Variants in BTBD9 observed in about 807,000 individuals in gnomAD.
The protein encoded by BTBD9 is BTB/POZ domain-containing protein 9.
A neutral mutation model predicts 64.3 loss-of-function variants in BTBD9; 49 were observed. The ratio of observed to expected loss-of-function variants is 0.76; its 90% CI spans 0.61 to 0.97. BTBD9 has a LOEUF of 0.97. Among genes scored for constraint, BTBD9 ranks in the 50% least tolerant of loss-of-function variants. The pLI, the probability that BTBD9 is intolerant of heterozygous loss-of-function variation, is 0.00. For synonymous variants in BTBD9, 260 were observed against 274.7 expected (o/e 0.95, Z 0.53); for missense variants, 598 against 762.1 (o/e 0.78, Z 2.53).
At chr6:38,635,242 T>A (rs1180573285) in intron 1 of BTBD9, among the ~76,000 whole-genome samples, 1 of 152,104 alleles carries the variant, frequency 6.6e-6, no homozygotes, top group Non-Finnish European at 1.5e-5. Flanking sequence ...TTCAAGCGAT[T>A]CTCTTGCCTT....
At chr6:38,322,630 T>C (rs879889787) in intron 7 of BTBD9, among the ~76,000 whole-genome samples, 3 of 152,238 alleles carry the variant, frequency 2.0e-5, no homozygotes, top group Non-Finnish European at 4.4e-5. Flanking sequence ...CAGAGGCCAA[T>C]AGCCATTTAC....
intron 7 of BTBD9, among the ~76,000 whole-genome samples, chr6:38,338,738 A>G (rs1467693540): frequency 1.3e-5 from 2 of 152,156 alleles, no homozygotes; most frequent in Non-Finnish European, 2.9e-5. Context: ...CTCAGTGTAA[A>G]GTGTTTACTG....
chr6:38,557,900 C>A (rs1204415039), intron 6 of BTBD9, among the ~76,000 whole-genome samples: 7 of 152,086 alleles, frequency 4.6e-5, no homozygotes, highest in Non-Finnish European at 7.4e-5. Context: ...ATTTTGAGAT[C>A]TTAGAGAAAT....
chr6:38,259,346 T>C (rs1428574741), intron 8 of BTBD9, among the ~76,000 whole-genome samples: 2 of 152,210 alleles, frequency 1.3e-5, no homozygotes, highest in East Asian at 3.8e-4. Flanking sequence ...TATAAAGCTA[T>C]TACTGAGGAC....
chr6:38,224,460 AG>A (rs1347500097), intron 9 of BTBD9, among the ~76,000 whole-genome samples: 3 of 152,210 alleles, frequency 2.0e-5, no homozygotes, highest in African/African-American at 7.2e-5. Context: ...CTACTGCTTC[AG>A]GGAAGAGGAC....
intron 6 of BTBD9, among the ~76,000 whole-genome samples, chr6:38,345,342 C>T (rs1293216238): frequency 6.6e-6 from 1 of 152,196 alleles, no homozygotes; most frequent in Non-Finnish European, 1.5e-5. Flanking sequence ...ATTTGATTTA[C>T]CCAGAAAACC....
intron 6 of BTBD9, among the ~76,000 whole-genome samples, chr6:38,500,484 A>T (rs1328670699): frequency 1.3e-5 from 2 of 152,246 alleles, no homozygotes; most frequent in Non-Finnish European, 2.9e-5. Context: ...GACTGCAATA[A>T]GGCAGACTTC....
chr6:38,366,557 G>A (rs1376670673), intron 6 of BTBD9, among the ~76,000 whole-genome samples: 2 of 152,152 alleles, frequency 1.3e-5, no homozygotes, highest in Non-Finnish European at 2.9e-5. Flanking sequence ...ATGAGGCCTG[G>A]CCTTTCCTTA....
intron 9 of BTBD9, among the ~76,000 whole-genome samples, chr6:38,200,745 T>C (rs886643192): frequency 2.0e-5 from 3 of 152,136 alleles, no homozygotes; most frequent in African/African-American, 7.2e-5. Context: ...AGATCAATAA[T>C]GAGTAGTGAA....
At chr6:38,254,528 C>T (rs1017072024) in intron 9 of BTBD9, among the ~76,000 whole-genome samples, 23 of 151,928 alleles carry the variant, frequency 1.5e-4, no homozygotes, top group African/African-American at 5.6e-4. Flanking sequence ...TCCCAGCTGC[C>T]TGGGAGACTG....
intron 6 of BTBD9, among the ~76,000 whole-genome samples, chr6:38,558,162 G>T (rs1775108754): frequency 6.6e-6 from 1 of 152,048 alleles, no homozygotes. Context: ...TACTCCAGAG[G>T]TTAGAGGGTA....
chr6:38,498,823 AGTTCTGT>A (rs1429234489), intron 6 of BTBD9, among the ~76,000 whole-genome samples: 1 of 152,216 alleles, frequency 6.6e-6, no homozygotes, highest in Non-Finnish European at 1.5e-5. Flanking sequence ...GGCAGACCTC[AGTTCTGT>A]GTTGATTTTC....
At chr6:38,251,817 A>G (rs763435337) in intron 9 of BTBD9, among the ~76,000 whole-genome samples, 29 of 151,174 alleles carry the variant, frequency 1.9e-4, no homozygotes, top group Non-Finnish European at 3.7e-4. Context: ...ACTTGAACCC[A>G]GTAGGCGGAG....
At chr6:38,478,162 G>T (rs1770976986) in intron 6 of BTBD9, among the ~76,000 whole-genome samples, 1 of 152,014 alleles carries the variant, frequency 6.6e-6, no homozygotes, top group Admixed American at 6.5e-5. Context: ...AGGGGGAGGG[G>T]GTCAGAAGTT....
intron 3 of BTBD9, among the ~76,000 whole-genome samples, chr6:38,593,626 C>T (rs1776907606): frequency 1.3e-5 from 2 of 152,216 alleles, no homozygotes; most frequent in African/African-American, 4.8e-5. Context: ...TAGTCACACT[C>T]TCTGTCAGAG....
chr6:38,419,951 A>G (rs1353158896), intron 6 of BTBD9, among the ~76,000 whole-genome samples: 3 of 152,210 alleles, frequency 2.0e-5, no homozygotes, highest in African/African-American at 7.2e-5. Context: ...TCAACAAACT[A>G]AATGTGTAAC....
At chr6:38,523,757 T>C (rs546995735) in intron 6 of BTBD9, among the ~76,000 whole-genome samples, 1 of 152,210 alleles carries the variant, frequency 6.6e-6, no homozygotes, top group Non-Finnish European at 1.5e-5. Context: ...TAACTTTATT[T>C]AAATCTCACA....
Position 38,280,297 on chromosome 6 carries a change from C to CT in BTBD9, c.1454+7974_1454+7975insA, listed in dbSNP as rs1355936751. ...ATTTGCTGTATGATTTTTCTGGGAA[C>CT]CAGAGCTCTGAGGTCTGAGGGTGAT... On this transcript the variant is annotated intron_variant, in intron 8 of 10. Transcript: ENST00000481247. Among the ~76,000 whole-genome samples, 12 of 152,144 alleles carry CT rather than the reference C, an allele frequency of 7.9e-5. No individual in the cohort carries two copies. The East Asian group carries it at 1.9e-3, about 25-fold the overall frequency.
At chr6:38,337,432 G>C (rs1763936757) in intron 7 of BTBD9, among the ~76,000 whole-genome samples, 1 of 152,188 alleles carries the variant, frequency 6.6e-6, no homozygotes, top group South Asian at 2.1e-4. Flanking sequence ...CAGCTCCTCT[G>C]AGGGAAACGG....
Sources: gnomAD v4.1 joint callset for allele counts (sites outside exome capture counted in the v4.1 genomes callset) on GRCh38, gnomAD v4.1.1 for gene constraint, MANE v1.5 for transcripts, NCBI Gene and HGNC (gene_info 2026-07-23, HGNC 2026-07-21) for gene names.